Variants in DPP6 observed in about 807,000 individuals in gnomAD.
DPP6 encodes the protein A-type potassium channel modulatory protein DPP6.
DPP6 carries 69 observed loss-of-function variants against 122.6 expected under a neutral mutation model. That is an observed-to-expected ratio of 0.56 (90% CI 0.46 to 0.69). DPP6 has a LOEUF of 0.69. DPP6 is among the 30% of genes least tolerant of loss of function. The pLI is 0.00. For synonymous variants in DPP6, 418 were observed against 433.1 expected, an observed-to-expected ratio of 0.97 and a Z score of 0.43; for missense variants, 928 against 1,116.9, an observed-to-expected ratio of 0.83 and a Z score of 2.41.
chr7:154,175,664 C>T (rs1195628459), intron 1 of DPP6, among the ~76,000 whole-genome samples: 1 of 151,640 alleles, frequency 6.6e-6, no homozygotes, highest in Non-Finnish European at 1.5e-5. Context: ...CTACACCTAC[C>T]ATTCACTGGC....
chr7:154,692,221 C>G (rs1027539942), intron 7 of DPP6, among the ~76,000 whole-genome samples: 3 of 152,160 alleles, frequency 2.0e-5, no homozygotes, highest in African/African-American at 7.2e-5. Context: ...TGAAAGATGA[C>G]AAAATGGAAA....
the DPP6 span, among the ~76,000 whole-genome samples, chr7:153,850,834 C>T: frequency 6.6e-6 from 1 of 152,122 alleles, no homozygotes; most frequent in East Asian, 1.9e-4. Context: ...CCTGGCCCAG[C>T]CCTTGACACA....
At chr7:154,056,817 G>A (rs56140071) in intron 1 of DPP6, among the ~76,000 whole-genome samples, 37,998 of 151,958 alleles carry the variant, frequency 0.25, 4,974 homozygotes, top group East Asian at 0.43. Flanking sequence ...TCAACTTTAC[G>A]ATTTCTTAAC....
chr7:154,495,987 TCTC>T (rs1563760271), intron 3 of DPP6, among the ~76,000 whole-genome samples: 1 of 152,124 alleles, frequency 6.6e-6, no homozygotes, highest in Non-Finnish European at 1.5e-5. Flanking sequence ...AGAAAGAACT[TCTC>T]CTCCACTGGG....
intron 1 of DPP6, among the ~76,000 whole-genome samples, chr7:154,388,100 A>G (rs557450884): frequency 6.6e-6 from 1 of 152,138 alleles, no homozygotes; most frequent in Non-Finnish European, 1.5e-5. Context: ...CCAGAAGTTC[A>G]AGACCAGCCT....
At chr7:153,997,035 C>G (rs1232370437) in intron 1 of DPP6, among the ~76,000 whole-genome samples, 1 of 151,870 alleles carries the variant, frequency 6.6e-6, no homozygotes, top group African/African-American at 2.4e-5. Context: ...TTATGCCTCT[C>G]TCTCTCTCTC....
intron 8 of DPP6, among the ~76,000 whole-genome samples, chr7:154,754,897 A>G (rs1409310556): frequency 6.6e-6 from 1 of 152,160 alleles, no homozygotes; most frequent in African/African-American, 2.4e-5. Context: ...AACACTGCAT[A>G]TTCTCACTCG....
chr7:154,081,332 C>T (rs1050991386), intron 1 of DPP6, among the ~76,000 whole-genome samples: 3 of 147,106 alleles, frequency 2.0e-5, no homozygotes, highest in African/African-American at 4.9e-5. Flanking sequence ...AGCCTTTCAA[C>T]ACCTTAGACT....
At position 153,979,396 on chromosome 7, in the gene DPP6, TG is replaced by T. The variant is rs1425491786; in HGVS notation, c.51+91663del. On this transcript the variant is annotated intron_variant, in intron 1 of 25. Coordinates refer to the DPP6 transcript ENST00000404039. ...TTGTGCATTTTTGCACATTGATTTTTGTATCCTGAGACTTTGCTGAAGTTGC... is the reference window on the plus strand; with the variant it reads ...TTGTGCATTTTTGCACATTGATTTTTTATCCTGAGACTTTGCTGAAGTTGC... 1.2e-4 allele frequency among the ~76,000 whole-genome samples: 18 copies of T among 152,384 alleles called. 1 individual carries two copies. In the East Asian group the frequency reaches 3.5e-3, roughly 29 times the overall value.
At chr7:154,008,723 G>A (rs1236588288) in intron 1 of DPP6, among the ~76,000 whole-genome samples, 1 of 146,020 alleles carries the variant, frequency 6.8e-6, no homozygotes, top group African/African-American at 2.5e-5. Flanking sequence ...GTGCAGTGGC[G>A]CGATCTCGGC....
intron 9 of DPP6, among the ~76,000 whole-genome samples, chr7:154,772,068 C>T (rs1235508998): frequency 6.6e-6 from 1 of 152,162 alleles, no homozygotes; most frequent in Non-Finnish European, 1.5e-5. Context: ...CTTGATTTTA[C>T]AGTGAACTCT....
upstream of DPP6, among the ~76,000 whole-genome samples, chr7:154,048,824 T>G (rs1800148530): frequency 8.0e-6 from 1 of 125,686 alleles, no homozygotes; most frequent in African/African-American, 2.8e-5. Context: ...ACTCAATGGA[T>G]GTACTTTTGT....
the DPP6 span, among the ~76,000 whole-genome samples, chr7:153,859,283 C>T: frequency 6.6e-6 from 1 of 152,110 alleles, no homozygotes; most frequent in East Asian, 1.9e-4. Flanking sequence ...AGAAAGGATA[C>T]GGGCTTGGCT....
At chr7:154,064,898 G>T (rs1802578416) in intron 1 of DPP6, among the ~76,000 whole-genome samples, 1 of 152,174 alleles carries the variant, frequency 6.6e-6, no homozygotes, top group Non-Finnish European at 1.5e-5. Context: ...AACAGGACTG[G>T]CCAGGGAGGG....
chr7:153,907,502 G>T (rs1177317393), intron 1 of DPP6, among the ~76,000 whole-genome samples: 1 of 152,236 alleles, frequency 6.6e-6, no homozygotes, highest in Non-Finnish European at 1.5e-5. Context: ...GTGTCCACTT[G>T]GCTGGGCTGC....
intron 7 of DPP6, among the ~76,000 whole-genome samples, chr7:154,688,217 A>G (rs1839738548): frequency 1.3e-5 from 2 of 152,220 alleles, no homozygotes; most frequent in Non-Finnish European, 2.9e-5. Flanking sequence ...CAGTTCCTCT[A>G]AAAACACTAT....
At chr7:154,380,953 G>A (rs1009041270) in intron 1 of DPP6, among the ~76,000 whole-genome samples, 1 of 152,200 alleles carries the variant, frequency 6.6e-6, no homozygotes, top group Admixed American at 6.5e-5. Flanking sequence ...CAAAGCTGGA[G>A]GCTTCCAGAA....
chr7:154,751,847 C>A (rs1843411028), intron 8 of DPP6, among the ~76,000 whole-genome samples: 2 of 151,912 alleles, frequency 1.3e-5, no homozygotes, highest in African/African-American at 4.8e-5. Flanking sequence ...GGTGGGGGGT[C>A]CCTCTGGGAT....
the DPP6 span, among the ~76,000 whole-genome samples, chr7:153,827,808 ACAGT>A: frequency 6.6e-6 from 1 of 152,120 alleles, no homozygotes; most frequent in Non-Finnish European, 1.5e-5. Context: ...TTCTACCCAC[ACAGT>A]CAGGGGCTGC....
Sources: allele counts gnomAD v4.1 joint callset (sites outside exome capture counted in the v4.1 genomes callset), GRCh38; gene constraint gnomAD v4.1.1; transcripts MANE v1.5; gene names NCBI Gene and HGNC (gene_info 2026-07-23, HGNC 2026-07-21).